The following SLC18A1 variants were observed in gnomAD, a reference collection of about 807,000 sequenced individuals.
SLC18A1 encodes the protein chromaffin granule amine transporter.
In SLC18A1, 69 loss-of-function variants were observed where a neutral mutation model predicts 53.7. The observed-to-expected ratio is 1.28, with a 90% confidence interval of 1.06 to 1.57. The LOEUF is 1.57. Among genes scored for constraint, SLC18A1 ranks in the 40% most tolerant of loss-of-function variants. The probability of loss-of-function intolerance (pLI) is 0.00; values close to 1 mark genes in which losing one functional copy is unlikely to be tolerated. For synonymous variants in SLC18A1, 320 were observed against 248.1 expected, an observed-to-expected ratio of 1.29 and a Z score of -2.72; for missense variants, 932 against 668.1, an observed-to-expected ratio of 1.40 and a Z score of -4.35.
In SLC18A1 at chr8:20,183,052, A is replaced by G. The variant is rs1385843882; in HGVS notation, c.-124+11T>C. 4 of 152,220 alleles carry G rather than the reference A, an allele frequency of 2.6e-5. No homozygotes were observed. The highest frequency in any genetic ancestry group is 6.5e-5 in the Admixed American group (1 of 15,280). The allele number at this position is 152,220 out of a possible 1,614,324, so 9.4% of individuals were successfully genotyped here. ...AAAGATTAAATTTGTCCGGAGAGAG[A>G]AAAATCTTACCTTGGAGCCCATGTT... On this transcript the variant is annotated intron_variant, in intron 1 of 15. Coordinates refer to ENST00000276373, the MANE Select transcript of SLC18A1 (RefSeq NM_003053.4).
rs2072456292 is a variant in SLC18A1 at position 20,182,558 on chromosome 8, G to C, written c.-124+505C>G. Among the ~76,000 whole-genome samples the C allele has an allele frequency of 1.3e-5, 2 of 152,094 alleles. 1 individual carries two copies. The highest frequency in any genetic ancestry group is 4.1e-4 in the South Asian group (2 of 4,830). ...TGTATTTCTAAATATTCAATAATGAGCTACTTTTGTAATTAAAGAAGTAAA... is the reference window on the plus strand; with the variant it reads ...TGTATTTCTAAATATTCAATAATGACCTACTTTTGTAATTAAAGAAGTAAA... On this transcript the variant is annotated intron_variant, in intron 1 of 15. Transcript: ENST00000276373.
intron 11 of SLC18A1, 119 bp downstream of exon 11, chr8:20,150,547 G>T: frequency 2.3e-6 from 2 of 878,672 alleles, no homozygotes; most frequent in South Asian, 1.4e-5. Flanking sequence ...AGTTTTTATC[G>T]GTGTGTACTC....
At chr8:20,158,303 G>A (rs887212613) in intron 10 of SLC18A1, among the ~76,000 whole-genome samples, 10 of 152,172 alleles carry the variant, frequency 6.6e-5, no homozygotes, top group Non-Finnish European at 1.5e-4. Flanking sequence ...AGTTGTGACT[G>A]GAGAACTTTG....
intron 8 of SLC18A1, among the ~76,000 whole-genome samples, chr8:20,170,151 A>C (rs2072074294): frequency 6.6e-6 from 1 of 151,902 alleles, no homozygotes; most frequent in Non-Finnish European, 1.5e-5. Flanking sequence ...CAGACATCCT[A>C]CTCCTAAAGC....
chr8:20,178,482 T>C lies in SLC18A1; in HGVS notation c.500A>G (p.His167Arg). The C allele has an allele frequency of 6.2e-7, 1 of 1,607,798 alleles. No individual in the cohort carries two copies. Among genetic ancestry groups the C allele is most frequent in the South Asian group, 1.1e-5 (1 of 89,642 alleles). ...AACAAAGCCAGCAAACATGGGGATATGATATCCAATCCTAAAAGGGAATTG... is the reference window on the plus strand; with the variant it reads ...AACAAAGCCAGCAAACATGGGGATACGATATCCAATCCTAAAAGGGAATTG... ...VGPLTNRIGY[H>R]IPMFAGFVIM... The change falls in exon 4 of 16, where the codon CAT becomes CGT. Residue 167 changes from histidine (H) to arginine (R), a missense_variant. His to Arg is a conservative substitution (Grantham distance 29). Coordinates refer to ENST00000276373, the MANE Select transcript of SLC18A1 (RefSeq NM_003053.4).
intron 3 of SLC18A1, among the ~76,000 whole-genome samples, chr8:20,178,809 C>T (rs2072324341): frequency 6.6e-6 from 1 of 152,164 alleles, no homozygotes; most frequent in Admixed American, 6.5e-5. Flanking sequence ...TAGATTACAA[C>T]AGGACTGTCC....
intron 1 of SLC18A1, among the ~76,000 whole-genome samples, 196 bp downstream of exon 1, chr8:20,182,867 A>T (rs2072464455): frequency 6.6e-6 from 1 of 152,260 alleles, no homozygotes; most frequent in Admixed American, 6.5e-5. Context: ...GCCATGGAAA[A>T]TTAAAAAACA....
chr8:20,165,092 G>C lies in SLC18A1; in HGVS notation c.874C>G (p.Pro292Ala), dbSNP rs139154459. ...KVSPESAKGT[P>A]LFMLLKDPYI... ...GGGTCTTTGAGAAGCATAAAGAGGG[G>C]AGTCCCCTTGGCACTCTGAGAACAT... The change falls in exon 9 of 16, where the codon CCC becomes GCC. Residue 292 changes from proline (P) to alanine (A), a missense_variant. Pro to Ala is a conservative substitution (Grantham distance 27, BLOSUM62 -1). Coordinates refer to ENST00000276373, the MANE Select transcript of SLC18A1 (RefSeq NM_003053.4). 9.9e-6 allele frequency: 16 copies of C among 1,614,040 alleles called. No homozygotes were observed. In the African/African-American group the frequency reaches 2.0e-4, roughly 20 times the overall value.
At chr8:20,162,746 C>T (rs924245702) in intron 10 of SLC18A1, among the ~76,000 whole-genome samples, 2 of 152,214 alleles carry the variant, frequency 1.3e-5, no homozygotes, top group African/African-American at 4.8e-5. Flanking sequence ...TTTCTATCAA[C>T]ATTCTGGTCA....
chr8:20,172,183 A>T (rs1170830540), intron 6 of SLC18A1, among the ~76,000 whole-genome samples: 3 of 152,336 alleles, frequency 2.0e-5, no homozygotes, highest in African/African-American at 7.2e-5. Flanking sequence ...AGGAGCCAGG[A>T]GTGGCTGTTG....
chr8:20,152,771 T>C (rs2071590100), intron 10 of SLC18A1, among the ~76,000 whole-genome samples: 1 of 152,068 alleles, frequency 6.6e-6, no homozygotes, highest in African/African-American at 2.4e-5. Context: ...TCTTTAGACA[T>C]TAGCAAAGAA....
intron 15 of SLC18A1, among the ~76,000 whole-genome samples, chr8:20,146,948 C>A (rs1315061068): frequency 3.3e-5 from 5 of 152,072 alleles, no homozygotes; most frequent in Admixed American, 3.3e-4. Context: ...TCACATCTTG[C>A]TAGTAACTAG....
At chr8:20,178,662 C>A (rs1320689489) in intron 3 of SLC18A1, among the ~76,000 whole-genome samples, 169 bp from the exon 4 acceptor site, 1 of 152,124 alleles carries the variant, frequency 6.6e-6, no homozygotes, top group Non-Finnish European at 1.5e-5. Context: ...TGAGTATGAG[C>A]AAACAAACAA....
chr8:20,171,923 G>C lies in SLC18A1; in HGVS notation c.725-429C>G, dbSNP rs549729453. On this transcript the variant is annotated intron_variant, in intron 6 of 15. Transcript: ENST00000276373. Reference sequence around the variant, plus strand: ...AGGTGTCAGAAAAGAGTGTGTAGTTGGAGAAGAAAAAGAAGAAAGCGGGTG... The same window carrying C: ...AGGTGTCAGAAAAGAGTGTGTAGTTCGAGAAGAAAAAGAAGAAAGCGGGTG... 2.6e-5 allele frequency among the ~76,000 whole-genome samples: 4 copies of C among 152,300 alleles called. No homozygotes were observed. The East Asian group carries it at 7.7e-4, about 29-fold the overall frequency.
rs1191285501 is a variant in SLC18A1 at position 20,147,548 on chromosome 8, C to G, written c.1330+55G>C. The G allele has an allele frequency of 2.5e-6, 4 of 1,606,914 alleles. No homozygotes were observed. In the African/African-American group the frequency reaches 4.0e-5, roughly 16 times the overall value. On this transcript the variant is annotated intron_variant, in intron 14 of 15. Coordinates refer to ENST00000276373, the MANE Select transcript of SLC18A1 (RefSeq NM_003053.4). ...GGAGGATAGCTTCCTGGCTGCACTT[C>G]CAGCTGGTAAAGAGTAGACAGGGGA...
Position 20,145,663 on chromosome 8 carries a change from A to T in SLC18A1, c.*100T>A. 1 of 635,568 alleles carries T rather than the reference A, an allele frequency of 1.6e-6. No individual in the cohort carries two copies. The highest frequency in any genetic ancestry group is 2.8e-6 in the Non-Finnish European group (1 of 361,334). The allele number at this position is 635,568 out of a possible 1,614,324, so 39.4% of individuals were successfully genotyped here. ...GGAAAGAAGATTCCCAGGCAGAGGTATGTGAAGCCCACTGAGCCGTGGGCT... is the reference window on the plus strand; with the variant it reads ...GGAAAGAAGATTCCCAGGCAGAGGTTTGTGAAGCCCACTGAGCCGTGGGCT... On this transcript the variant is annotated 3_prime_UTR_variant, in exon 16 of 16. Transcript: ENST00000276373.
In SLC18A1 at chr8:20,158,203, C is replaced by T. The variant is rs138144881; in HGVS notation, c.1015+6666G>A. Among the ~76,000 whole-genome samples the T allele has an allele frequency of 6.9e-3, 1,053 of 152,306 alleles. 15 individuals are homozygous for T. Among genetic ancestry groups the T allele is most frequent in the African/African-American group, 0.024 (1,006 of 41,556 alleles). ...CACTGGTGCAGCCTTCTCAGTCTTA[C>T]TCTCCTGTCCCTGACAACTGTCCTC... On this transcript the variant is annotated intron_variant, in intron 10 of 15. Coordinates refer to ENST00000276373, the MANE Select transcript of SLC18A1 (RefSeq NM_003053.4).
Position 20,166,276 on chromosome 8 carries a change from G to GGTGTGTGT in SLC18A1, c.859-1177_859-1170dup, listed in dbSNP as rs141519804. Among the ~76,000 whole-genome samples the GGTGTGTGT allele has an allele frequency of 3.4e-3, 208 of 60,722 alleles. 5 individuals are homozygous for GGTGTGTGT. Among genetic ancestry groups the GGTGTGTGT allele is most frequent in the African/African-American group, 0.012 (197 of 16,646 alleles). The allele number at this position is 60,722 out of a possible 152,430, so 39.8% of individuals were successfully genotyped here. A position where few individuals can be genotyped will look rare whatever the true frequency, so the allele number is the denominator to read the frequency against. ...GTGTACACATACAAAATTGTGTGTG[G>GGTGTGTGT]GTGTGTGTGTGTCTATATATATATA... On this transcript the variant is annotated intron_variant, in intron 8 of 15. Coordinates refer to ENST00000276373, the MANE Select transcript of SLC18A1 (RefSeq NM_003053.4).
intron 10 of SLC18A1, among the ~76,000 whole-genome samples, chr8:20,163,699 C>G (rs1236897470): frequency 1.3e-5 from 2 of 152,184 alleles, no homozygotes; most frequent in Non-Finnish European, 2.9e-5. Flanking sequence ...CCTACTGTCT[C>G]CCAGCAATCA....
Sources: gnomAD v4.1 joint callset for allele counts (sites outside exome capture counted in the v4.1 genomes callset) on GRCh38, gnomAD v4.1.1 for gene constraint, MANE v1.5 for transcripts, NCBI Gene and HGNC (gene_info 2026-07-23, HGNC 2026-07-21) for gene names.